Variants in ETV4 observed in about 807,000 individuals in gnomAD.
ETV4 encodes the protein ETS translocation variant 4.
Under a neutral mutation model 65.9 loss-of-function variants are expected in ETV4, and 42 were observed. That is an observed-to-expected ratio of 0.64 (90% CI 0.50 to 0.82). The LOEUF (loss-of-function observed/expected upper bound fraction) is 0.82, where lower values mean the gene tolerates loss of function less well. Ranked by LOEUF, ETV4 falls within the 40% of genes least tolerant of loss-of-function variation. ETV4 has a pLI of 0.00. For synonymous variants in ETV4, 238 were observed against 260.0 expected, an observed-to-expected ratio of 0.92 and a Z score of 0.81; for missense variants, 583 against 630.3, an observed-to-expected ratio of 0.92 and a Z score of 0.80.
At chr17:43,529,433 A>G (rs751579311) in intron 11 of ETV4, 71 bp downstream of exon 11, 17 of 1,542,266 alleles carry the variant, frequency 1.1e-5, no homozygotes, top group Non-Finnish European at 1.4e-5. Flanking sequence ...ACGTGCCACC[A>G]TTTCCCAGGT....
At position 43,532,208 on chromosome 17, in the gene ETV4, G is replaced by A. The variant is rs561719914; in HGVS notation, c.811+466C>T. Among the ~76,000 whole-genome samples, 5 of 152,238 alleles carry A rather than the reference G, an allele frequency of 3.3e-5. No homozygotes were observed. The East Asian group carries it at 5.8e-4, about 18-fold the overall frequency. ...TGAATATAGGTTTGCTCATTGAAAA[G>A]TAATAATTTGTCCGGGTGAGGTGGC... On this transcript the variant is annotated intron_variant, in intron 8 of 12. Transcript: ENST00000319349.
At chr17:43,530,317 C>A (rs1414693182) in intron 8 of ETV4, 136 bp from the exon 9 acceptor site, 11 of 1,483,908 alleles carry the variant, frequency 7.4e-6, no homozygotes, top group Non-Finnish European at 9.9e-6. Flanking sequence ...GCCCAGGTTG[C>A]CTGCCAACCA....
At position 43,545,634 on chromosome 17, in the gene ETV4, GC is replaced by G. The variant is rs1971781884; in HGVS notation, c.-18del. On this transcript the variant is annotated 5_prime_UTR_variant, in exon 2 of 13. Coordinates refer to ENST00000319349, the MANE Select transcript of ETV4 (RefSeq NM_001079675.5). ...CCGCTCCATCCGGCCGCTCCCTCCG[GC>G]CGCACGGCCGGGGCCCCAAGCGGGG... 1 of 1,549,856 alleles carries G rather than the reference GC, an allele frequency of 6.5e-7. No homozygotes were observed. The highest frequency in any genetic ancestry group is 1.4e-5 in the African/African-American group (1 of 72,964).
chr17:43,535,754 A>T (rs1486240956), intron 5 of ETV4, among the ~76,000 whole-genome samples: 2 of 152,220 alleles, frequency 1.3e-5, no homozygotes, highest in Non-Finnish European at 2.9e-5. Context: ...AAAAATGTCT[A>T]CAGATATTAC....
intron 4 of ETV4, among the ~76,000 whole-genome samples, chr17:43,543,355 A>G (rs1971629240): frequency 6.6e-6 from 1 of 151,568 alleles, no homozygotes; most frequent in South Asian, 2.1e-4. Context: ...TACCCTCTCC[A>G]GACCCCTGGC....
At chr17:43,532,634 A>G in intron 8 of ETV4, 40 bp downstream of exon 8, 1 of 1,570,638 alleles carries the variant, frequency 6.4e-7, no homozygotes, top group Non-Finnish European at 8.7e-7. Flanking sequence ...TTAACTGAAC[A>G]CTTGATCACA....
intron 4 of ETV4, among the ~76,000 whole-genome samples, chr17:43,542,769 G>A (rs2154587281): frequency 6.6e-6 from 1 of 152,256 alleles, no homozygotes; most frequent in Non-Finnish European, 1.5e-5. Context: ...TCCAAATGCT[G>A]TCTTCACAGA....
Position 43,528,706 on chromosome 17 carries a change from T to G in ETV4, c.1268A>C (p.Glu423Ala), listed in dbSNP as rs771026140. 3 of 1,613,974 alleles carry G rather than the reference T, an allele frequency of 1.9e-6. No individual in the cohort carries two copies. In the East Asian group the frequency reaches 6.7e-5, roughly 36 times the overall value. ...GERYVYKFVC[E>A]PEALFSLAFP... is the part of the protein sequence containing the mutation. ...GGCCAAAGAGAAGAGGGCCTCGGGC[T>G]CACACACAAACTTGTACACGTAACG... Residue 423 changes from glutamate to alanine, a missense_variant, in exon 13 of 13, where the codon GAG (glutamate) becomes GCG (alanine). Physicochemically the swap from Glu to Ala is moderately radical, Grantham distance 107 (BLOSUM62 -1). Transcript: ENST00000319349.
intron 6 of ETV4, among the ~76,000 whole-genome samples, 186 bp downstream of exon 6, chr17:43,533,673 G>A (rs1382101805): frequency 6.6e-6 from 1 of 152,078 alleles, no homozygotes; most frequent in African/African-American, 2.4e-5. Flanking sequence ...TATTCCTGAG[G>A]CCCTCTGCTG....
At chr17:43,538,402 T>C (rs1196192612) in intron 4 of ETV4, among the ~76,000 whole-genome samples, 12 of 152,014 alleles carry the variant, frequency 7.9e-5, no homozygotes, top group African/African-American at 2.9e-4. Flanking sequence ...ACTGGCTGAG[T>C]ACATAGGTGC....
intron 5 of ETV4, among the ~76,000 whole-genome samples, chr17:43,534,397 G>C (rs985530217): frequency 6.6e-6 from 1 of 152,132 alleles, no homozygotes; most frequent in Non-Finnish European, 1.5e-5. Flanking sequence ...AGGAGGCTGG[G>C]GCAAGGGAAT....
Position 43,532,747 on chromosome 17 carries a change from C to A in ETV4, c.738G>T (p.Gly246=), listed in dbSNP as rs1328580574. The A allele has an allele frequency of 9.9e-6, 16 of 1,614,022 alleles. No individual in the cohort carries two copies. The highest frequency in any genetic ancestry group is 1.2e-5 in the Non-Finnish European group (14 of 1,179,992). ...QAGQPAVDQG[G]VNGHRYPGAG... ...CCCCTGGGTACCTGTGCCCATTGAC[C>A]CCACCCTGGTCCACGGCTGGCTGGC... Residue 246 remains glycine, a synonymous_variant, in exon 8 of 13, where the codon GGG becomes GGT. Coordinates refer to ENST00000319349, the MANE Select transcript of ETV4 (RefSeq NM_001079675.5).
chr17:43,529,202 G>C lies in ETV4; in HGVS notation c.1163C>G (p.Pro388Arg). 1 of 1,613,968 alleles carries C rather than the reference G, an allele frequency of 6.2e-7. No homozygotes were observed. The change falls in exon 12 of 13, where the codon CCA (proline) becomes CGA (arginine). Residue 388 changes from proline to arginine, a missense_variant. By Grantham distance (103) the Pro-to-Arg change is moderately radical (BLOSUM62 -2). Coordinates refer to ENST00000319349, the MANE Select transcript of ETV4 (RefSeq NM_001079675.5). ...ARLWGIQKNR[P>R]AMNYDKLSRS... ...GCTCAGCTTGTCGTAATTCATGGCT[G>C]GCCGGTTCTTCTGGATGCCCCAGAG...
intron 4 of ETV4, among the ~76,000 whole-genome samples, chr17:43,540,833 C>T (rs1358386399): frequency 6.6e-6 from 1 of 152,142 alleles, no homozygotes; most frequent in Non-Finnish European, 1.5e-5. Context: ...ACCAACATTT[C>T]CCTCCCTCCT....
chr17:43,536,861 C>T (rs937783829), intron 4 of ETV4, among the ~76,000 whole-genome samples: 3 of 152,248 alleles, frequency 2.0e-5, no homozygotes, highest in Admixed American at 2.0e-4. Context: ...CTCTGGGCTC[C>T]ACTAAGACCC....
chr17:43,543,500 G>T (rs1971635017), intron 4 of ETV4, among the ~76,000 whole-genome samples: 1 of 152,078 alleles, frequency 6.6e-6, no homozygotes, highest in Admixed American at 6.6e-5. Flanking sequence ...CCTAGGAGCT[G>T]CCCACTGTGG....
rs764426611 is a variant in ETV4 at position 43,532,999 on chromosome 17, C to T, written c.546-60G>A. 1.6e-5 allele frequency: 24 copies of T among 1,522,698 alleles called. No homozygotes were observed. The African/African-American group carries it at 3.1e-4, about 19-fold the overall frequency. 94.3% of individuals were successfully genotyped at this position (1,522,698 alleles called of 1,614,324 possible). Reference sequence around the variant, plus strand: ...AACTTTAAATTAATCCTTCCTCGAGCCTGTTACTCCTAGGCTTTTAGAGTG... The same window carrying T: ...AACTTTAAATTAATCCTTCCTCGAGTCTGTTACTCCTAGGCTTTTAGAGTG... On this transcript the variant is annotated intron_variant, in intron 7 of 12. Transcript: ENST00000319349.
At position 43,530,112 on chromosome 17, in the gene ETV4, G is replaced by GC; in HGVS notation, c.880dup (p.Ala294GlyfsTer7). 1 of 1,588,640 alleles carries GC rather than the reference G, an allele frequency of 6.3e-7. No individual in the cohort carries two copies. Among genetic ancestry groups the GC allele is most frequent in the Non-Finnish European group, 8.6e-7 (1 of 1,167,140 alleles). On this transcript the variant is annotated frameshift_variant, in exon 9 of 13. Coordinates refer to ENST00000319349, the MANE Select transcript of ETV4 (RefSeq NM_001079675.5). LOFTEE classifies it high-confidence loss of function. Reference sequence around the variant, plus strand: ...GGGAAGGGGGGCTGCCTTACCCATGGCCCCGTCACCTGGAGAGGGCCCAGA... The same window carrying GC: ...GGGAAGGGGGGCTGCCTTACCCATGGCCCCCGTCACCTGGAGAGGGCCCAGA...
intron 8 of ETV4, among the ~76,000 whole-genome samples, chr17:43,531,078 G>A (rs1048993796): frequency 6.6e-6 from 1 of 152,186 alleles, no homozygotes; most frequent in African/African-American, 2.4e-5. Flanking sequence ...GCCTGGCTCA[G>A]GCTTATGCCC....
Sources: allele counts gnomAD v4.1 joint callset (sites outside exome capture counted in the v4.1 genomes callset), GRCh38; gene constraint gnomAD v4.1.1; transcripts MANE v1.5; gene names NCBI Gene and HGNC (gene_info 2026-07-23, HGNC 2026-07-21).